The following ADGRF5 variants were observed in gnomAD, a reference collection of about 807,000 sequenced individuals.
ADGRF5 encodes adhesion G protein-coupled receptor F5, also known as G-protein coupled receptor 116.
In ADGRF5, 75 loss-of-function variants were observed where a neutral mutation model predicts 132.3. That is an observed-to-expected ratio of 0.57 (90% CI 0.47 to 0.69). The LOEUF is 0.69. Among genes scored for constraint, ADGRF5 ranks in the 30% least tolerant of loss-of-function variants. The pLI is 0.00. For synonymous variants in ADGRF5, 629 were observed against 597.6 expected (o/e 1.05, Z -0.77); for missense variants, 1,516 against 1,630.6 (o/e 0.93, Z 1.21).
chr6:46,877,850 C>G (rs777207811), intron 10 of ADGRF5, among the ~76,000 whole-genome samples: 1 of 152,164 alleles, frequency 6.6e-6, no homozygotes, highest in Non-Finnish European at 1.5e-5. Context: ...GACAAATGAC[C>G]TCATCCTTAG....
intron 1 of ADGRF5, among the ~76,000 whole-genome samples, chr6:46,930,578 C>T (rs1340573027): frequency 6.6e-6 from 1 of 152,132 alleles, no homozygotes; most frequent in Non-Finnish European, 1.5e-5. Context: ...GGCTGGCATG[C>T]AGCTTGCATG....
At chr6:46,877,303 C>CCT (rs1388865911) in intron 10 of ADGRF5, among the ~76,000 whole-genome samples, 5,163 of 69,282 alleles carry the variant, frequency 0.075, 254 homozygotes, top group Non-Finnish European at 0.081. Flanking sequence ...CTCTCTCTCT[C>CCT]TCTTTCCTTC....
intron 1 of ADGRF5, among the ~76,000 whole-genome samples, chr6:46,940,999 G>A (rs1311385478): frequency 6.6e-6 from 1 of 152,100 alleles, no homozygotes; most frequent in East Asian, 1.9e-4. Flanking sequence ...CAGAGAAGTG[G>A]TTCAAAAATG....
At chr6:46,905,717 A>G (rs1294768401) in intron 2 of ADGRF5, among the ~76,000 whole-genome samples, 1 of 151,498 alleles carries the variant, frequency 6.6e-6, no homozygotes, top group East Asian at 1.9e-4. Context: ...TATAATGCTA[A>G]AAACATACCA....
intron 15 of ADGRF5, 22 bp downstream of exon 15, chr6:46,862,866 G>C (rs1188007756): frequency 1.3e-6 from 2 of 1,519,914 alleles, no homozygotes; most frequent in South Asian, 2.2e-5. Context: ...CAAGAGCTCA[G>C]AGTGGAAGCT....
chr6:46,858,115 A>C lies in ADGRF5; in HGVS notation c.3774+14T>G. ...AATAAAATCTTCCTGAAAGCTCCGC[A>C]CTGTAAAACTCACCTGGAAGACATT... On this transcript the variant is annotated intron_variant, in intron 17 of 20. Transcript: ENST00000283296. The C allele has an allele frequency of 6.3e-7, 1 of 1,587,400 alleles. No homozygotes were observed. Among genetic ancestry groups the C allele is most frequent in the South Asian group, 1.1e-5 (1 of 87,796 alleles).
intron 2 of ADGRF5, among the ~76,000 whole-genome samples, chr6:46,904,664 G>A (rs918194232): frequency 6.6e-6 from 1 of 152,144 alleles, no homozygotes; most frequent in Non-Finnish European, 1.5e-5. Flanking sequence ...TAAACTGTAT[G>A]CCTAAAAATG....
At chr6:46,920,590 C>T (rs1220060912) in intron 1 of ADGRF5, among the ~76,000 whole-genome samples, 1 of 151,178 alleles carries the variant, frequency 6.6e-6, no homozygotes, top group East Asian at 2.0e-4. Flanking sequence ...AAGCTGGCTG[C>T]GATGGCTGAC....
intron 10 of ADGRF5, among the ~76,000 whole-genome samples, chr6:46,876,120 T>C (rs1771619309): frequency 6.6e-6 from 1 of 152,182 alleles, no homozygotes; most frequent in African/African-American, 2.4e-5. Context: ...TAGTAGAACT[T>C]GTGGAATTTG....
At chr6:46,944,343 G>A (rs1307398120) in intron 1 of ADGRF5, among the ~76,000 whole-genome samples, 2 of 152,192 alleles carry the variant, frequency 1.3e-5, no homozygotes, top group Non-Finnish European at 2.9e-5. Flanking sequence ...AATAACACTG[G>A]CTCTCCCATG....
Position 46,852,846 on chromosome 6 carries a change from A to C in ADGRF5, c.*1146T>G, listed in dbSNP as rs1768636806. 1.3e-5 allele frequency: 2 copies of C among 152,600 alleles called. No individual in the cohort carries two copies. Among genetic ancestry groups the C allele is most frequent in the African/African-American group, 4.8e-5 (2 of 41,446 alleles). The allele number at this position is 152,600 out of a possible 1,614,324, so 9.5% of individuals were successfully genotyped here. A position where few individuals can be genotyped will look rare whatever the true frequency, so the allele number is the denominator to read the frequency against. Reference sequence around the variant, plus strand: ...TTGGTCTGGGAACTTAAAGATGGAAACAGAGAATACATAGGGAGCTATGCA... The same window carrying C: ...TTGGTCTGGGAACTTAAAGATGGAACCAGAGAATACATAGGGAGCTATGCA... On this transcript the variant is annotated 3_prime_UTR_variant, in exon 21 of 21. Transcript: ENST00000283296.
chr6:46,918,712 T>C (rs1296992047), intron 1 of ADGRF5, among the ~76,000 whole-genome samples: 2 of 152,232 alleles, frequency 1.3e-5, no homozygotes, highest in Non-Finnish European at 2.9e-5. Context: ...AATGCCATTG[T>C]TGGAGGTGTC....
chr6:46,942,029 T>G (rs1195716176), intron 1 of ADGRF5, among the ~76,000 whole-genome samples: 6 of 152,238 alleles, frequency 3.9e-5, no homozygotes, highest in Non-Finnish European at 8.8e-5. Context: ...CATCTTACTT[T>G]ACCTTTCTGA....
intron 1 of ADGRF5, among the ~76,000 whole-genome samples, chr6:46,932,061 G>A (rs1777579968): frequency 6.6e-6 from 1 of 152,228 alleles, no homozygotes; most frequent in Non-Finnish European, 1.5e-5. Flanking sequence ...ATAAGATAAC[G>A]AATGAAAATA....
chr6:46,947,941 G>T (rs371521562), intron 1 of ADGRF5, among the ~76,000 whole-genome samples: 1 of 152,270 alleles, frequency 6.6e-6, no homozygotes, highest in South Asian at 2.1e-4. Flanking sequence ...TTGGGCAGGG[G>T]TGGTGATGGG....
At chr6:46,899,114 T>C (rs1774479774) in intron 3 of ADGRF5, among the ~76,000 whole-genome samples, 1 of 152,072 alleles carries the variant, frequency 6.6e-6, no homozygotes, top group African/African-American at 2.4e-5. Flanking sequence ...AAGCAGTCTC[T>C]GATGATCTGG....
chr6:46,884,105 CA>C lies in ADGRF5; in HGVS notation c.494del (p.Leu165ArgfsTer8). 6.2e-7 allele frequency: 1 copy of C among 1,613,498 alleles called. No individual in the cohort carries two copies. The highest frequency in any genetic ancestry group is 8.5e-7 in the Non-Finnish European group (1 of 1,179,558). ...KELPPNGPFC[L>X]LQEDVTLNMR... ...TGAGCAGTTACTTACCTTCCTGAAGCAGGCAAAAAGGTCCATTGGGAGGCAG... is the reference window on the plus strand; with the variant it reads ...TGAGCAGTTACTTACCTTCCTGAAGCGGCAAAAAGGTCCATTGGGAGGCAG... On this transcript the variant is annotated frameshift_variant, in exon 5 of 21. Coordinates refer to ENST00000283296, the MANE Select transcript of ADGRF5 (RefSeq NM_001098518.2). LOFTEE classifies it high-confidence loss of function.
At chr6:46,938,224 C>A (rs375275932) in intron 1 of ADGRF5, among the ~76,000 whole-genome samples, 17 of 152,290 alleles carry the variant, frequency 1.1e-4, no homozygotes, top group African/African-American at 4.1e-4. Context: ...ATTCCAGGTG[C>A]CTTCTACAGC....
At chr6:46,881,967 G>A in intron 7 of ADGRF5, 82 bp downstream of exon 7, 3 of 1,004,636 alleles carry the variant, frequency 3.0e-6, no homozygotes, top group Middle Eastern at 4.1e-4. Flanking sequence ...CATGAATAAT[G>A]CCTCTCTAGG....
Sources: allele counts gnomAD v4.1 joint callset (sites outside exome capture counted in the v4.1 genomes callset), GRCh38; gene constraint gnomAD v4.1.1; transcripts MANE v1.5; gene names NCBI Gene and HGNC (gene_info 2026-07-23, HGNC 2026-07-21).